SPTBN4: variants seen among roughly 807,000 people sequenced by gnomAD.
SPTBN4 encodes the protein spectrin beta, non-erythrocytic 4.
In SPTBN4, 96 loss-of-function variants were observed where a neutral mutation model predicts 277.8. The ratio of observed to expected loss-of-function variants is 0.35; its 90% CI spans 0.29 to 0.41. The LOEUF (loss-of-function observed/expected upper bound fraction) is 0.41. SPTBN4 is among the 10% of genes least tolerant of loss of function. SPTBN4 has a pLI of 1.00. For synonymous variants in SPTBN4, 1,481 were observed against 1,580.3 expected, an observed-to-expected ratio of 0.94 and a Z score of 1.49; for missense variants, 3,006 against 3,595.7, an observed-to-expected ratio of 0.84 and a Z score of 4.19.
chr19:40,547,733 G>A (rs1439549006), intron 20 of SPTBN4, among the ~76,000 whole-genome samples: 1 of 152,240 alleles, frequency 6.6e-6, no homozygotes, highest in Non-Finnish European at 1.5e-5. Context: ...TAACTGGTGT[G>A]AGATGATATC....
Position 40,504,152 on chromosome 19 carries a change from G to GGGGGGCGCGGCC in SPTBN4, c.1665+20_1665+21insGGGGGCGCGGCC. The GGGGGGCGCGGCC allele has an allele frequency of 1.1e-6, 1 of 877,206 alleles. No homozygotes were observed. Among genetic ancestry groups the GGGGGGCGCGGCC allele is most frequent in the South Asian group, 1.5e-5 (1 of 68,418 alleles). The allele number at this position is 877,206 out of a possible 1,614,324, so 54.3% of individuals were successfully genotyped here. A position where few individuals can be genotyped will look rare whatever the true frequency, so the allele number is the denominator to read the frequency against. On this transcript the variant is annotated intron_variant, in intron 12 of 35. Transcript: ENST00000598249. ...ATGCAGGTGCCGGCGGGGGGGCGGG[G>GGGGGGCGCGGCC]ATGCGGGTGGAGTGCCAGGAGGGAG...
Position 40,490,141 on chromosome 19 carries a change from C to G in SPTBN4, c.388C>G (p.Leu130Val), listed in dbSNP as rs1484848266. The G allele has an allele frequency of 1.2e-6, 2 of 1,614,184 alleles. No homozygotes were observed. The stretch of plus-strand genomic sequence containing the variant: ...GAACGTGGACAAGGCGCTGCAGTTT[C>G]TGAAGGAGCAGCGCGTGCACCTGGA... The part of the protein sequence containing the change: ...LENVDKALQF[L>V]KEQRVHLENV... The change falls in exon 4 of 36, where the codon CTG becomes GTG. Residue 130 changes from leucine to valine, a missense_variant. Leu to Val is a conservative substitution (Grantham distance 32). Coordinates refer to ENST00000598249, the MANE Select transcript of SPTBN4 (RefSeq NM_020971.3). The surrounding 1 kb of genome is among the most constrained non-coding windows in gnomAD (Gnocchi z 4.3).
chr19:40,487,014 G>A (rs1472791981), intron 2 of SPTBN4, among the ~76,000 whole-genome samples: 1 of 148,750 alleles, frequency 6.7e-6, no homozygotes, highest in Non-Finnish European at 1.5e-5. Context: ...ACAGGTAGGA[G>A]GAGACATGAC....
At chr19:40,539,641 G>A (rs1204702753) in intron 20 of SPTBN4, among the ~76,000 whole-genome samples, 1 of 151,952 alleles carries the variant, frequency 6.6e-6, no homozygotes, top group Non-Finnish European at 1.5e-5. Flanking sequence ...CACCACGCCT[G>A]GCTAATTTTT....
chr19:40,469,043 G>C (rs527905952), intron 1 of SPTBN4, among the ~76,000 whole-genome samples: 14 of 151,984 alleles, frequency 9.2e-5, no homozygotes, highest in Non-Finnish European at 1.6e-4. Context: ...AGGCTACAGG[G>C]AGCTATGATT....
At chr19:40,478,029 G>T (rs940686567) in intron 2 of SPTBN4, among the ~76,000 whole-genome samples, 8 of 151,894 alleles carry the variant, frequency 5.3e-5, no homozygotes, top group Non-Finnish European at 1.0e-4. Context: ...AGTAGAGATG[G>T]GGGTTTCACC....
chr19:40,536,956 T>C (rs561252623), intron 20 of SPTBN4, among the ~76,000 whole-genome samples: 2 of 152,090 alleles, frequency 1.3e-5, no homozygotes, highest in Non-Finnish European at 2.9e-5. Flanking sequence ...TGATTGATTT[T>C]TTTTTTAAGA....
At chr19:40,531,659 G>A (rs2080676399) in intron 18 of SPTBN4, among the ~76,000 whole-genome samples, 1 of 151,314 alleles carries the variant, frequency 6.6e-6, no homozygotes, top group South Asian at 2.1e-4. Context: ...TCAAAAAGCA[G>A]CCTGTGATTG....
chr19:40,555,516 A>C (rs1208106993), intron 24 of SPTBN4, among the ~76,000 whole-genome samples: 1 of 150,930 alleles, frequency 6.6e-6, no homozygotes, highest in African/African-American at 2.4e-5. Flanking sequence ...AAAGAAAAGA[A>C]AAAAAAAGAA....
At chr19:40,483,702 T>C (rs906816657) in intron 2 of SPTBN4, among the ~76,000 whole-genome samples, 6 of 152,176 alleles carry the variant, frequency 3.9e-5, no homozygotes, top group Non-Finnish European at 8.8e-5. Flanking sequence ...ATTGAGGATT[T>C]ATTCCTCTGC....
intron 20 of SPTBN4, among the ~76,000 whole-genome samples, chr19:40,540,317 G>A (rs1275804964): frequency 6.6e-6 from 1 of 152,104 alleles, no homozygotes; most frequent in Admixed American, 6.5e-5. Context: ...CCCTTTGGTT[G>A]TTACTTATGT....
At chr19:40,506,705 C>T (rs555377166) in intron 13 of SPTBN4, among the ~76,000 whole-genome samples, 8 of 152,256 alleles carry the variant, frequency 5.3e-5, no homozygotes, top group East Asian at 3.9e-4. Flanking sequence ...GGGCTGGGCA[C>T]GGTGGCTCAT....
intron 12 of SPTBN4, among the ~76,000 whole-genome samples, chr19:40,505,979 GGAGACA>G (rs565900384): frequency 4.7e-4 from 71 of 152,246 alleles, no homozygotes; most frequent in Non-Finnish European, 7.1e-4. Context: ...AGAGAGAGAG[GGAGACA>G]GAGACAGAAC....
intron 4 of SPTBN4, among the ~76,000 whole-genome samples, chr19:40,491,713 CAAAAAAAAAAA>C (rs35237688): frequency 2.6e-5 from 1 of 38,818 alleles, no homozygotes. Context: ...GACTCTGTCT[CAAAAAAAAAAA>C]AAAAAAAAAA....
intron 2 of SPTBN4, among the ~76,000 whole-genome samples, chr19:40,476,406 A>G (rs1234236395): frequency 3.9e-5 from 6 of 151,954 alleles, no homozygotes; most frequent in African/African-American, 1.4e-4. Context: ...AGTATGAACC[A>G]GATTCAACTG....
intron 2 of SPTBN4, among the ~76,000 whole-genome samples, chr19:40,479,704 T>TATATATA (rs2079988506): frequency 1.0e-5 from 1 of 99,356 alleles, no homozygotes; most frequent in Non-Finnish European, 2.0e-5. Context: ...ATATATATAT[T>TATATATA]TAACTTTTTA....
At chr19:40,498,071 C>T (rs2080220966) in intron 7 of SPTBN4, among the ~76,000 whole-genome samples, 1 of 152,006 alleles carries the variant, frequency 6.6e-6, no homozygotes, top group South Asian at 2.1e-4. Context: ...TATCCCCACC[C>T]TAATCCATTT....
At chr19:40,477,942 G>A (rs565735741) in intron 2 of SPTBN4, among the ~76,000 whole-genome samples, 2 of 152,000 alleles carry the variant, frequency 1.3e-5, no homozygotes, top group African/African-American at 4.8e-5. Context: ...GGGTTCAAGC[G>A]ATTCTCCTGC....
At chr19:40,528,585 C>T (rs186369670) in intron 17 of SPTBN4, among the ~76,000 whole-genome samples, 2 of 152,312 alleles carry the variant, frequency 1.3e-5, no homozygotes, top group Admixed American at 6.5e-5. Flanking sequence ...TCTCTGCCTC[C>T]TCTCTTTCGT....
Sources: allele counts gnomAD v4.1 joint callset (sites outside exome capture counted in the v4.1 genomes callset), GRCh38; gene constraint gnomAD v4.1.1; non-coding constraint Gnocchi (gnomAD v3.1); transcripts MANE v1.5; gene names NCBI Gene and HGNC (gene_info 2026-07-23, HGNC 2026-07-21).